LIMK2: variants seen among roughly 807,000 people sequenced by gnomAD.
LIMK2 encodes LIM domain kinase 2.
LIMK2 carries 35 observed loss-of-function variants against 75.7 expected under a neutral mutation model. The ratio of observed to expected loss-of-function variants is 0.46; its 90% CI spans 0.35 to 0.61. The LOEUF (loss-of-function observed/expected upper bound fraction) is 0.61. LIMK2 is among the 20% of genes least tolerant of loss of function. LIMK2 has a pLI of 0.00. For missense variants in LIMK2, 623 were observed against 831.0 expected (o/e 0.75, Z 3.08); for synonymous variants, 301 against 319.2 (o/e 0.94, Z 0.61).
intron 1 of LIMK2, among the ~76,000 whole-genome samples, chr22:31,212,979 G>A (rs1441035341): frequency 6.6e-6 from 1 of 152,108 alleles, no homozygotes; most frequent in African/African-American, 2.4e-5. Context: ...CCGGGGCTGG[G>A]AGCTCTTTGC....
Position 31,262,142 on chromosome 22 carries a change from G to T in LIMK2, c.560G>T (p.Arg187Leu). Reference sequence around the variant, plus strand: ...ACTCTTGTCTGGCCCAGGGTCAACCGGATGCACATCAGTCCCAACAATCGA... The same window carrying T: ...ACTCTTGTCTGGCCCAGGGTCAACCTGATGCACATCAGTCCCAACAATCGA... ...ATTVQVKEVNRMHISPNNRNA... is the reference protein window; with the variant it reads ...ATTVQVKEVNLMHISPNNRNA... Residue 187 changes from arginine to leucine, a missense_variant, in exon 6 of 16, where the codon CGG (arginine) becomes CTG (leucine). Physicochemically the swap from Arg to Leu is moderately radical, Grantham distance 102. Coordinates refer to ENST00000331728, the MANE Select transcript of LIMK2 (RefSeq NM_005569.4). This position sits in a 1 kb window ranked among gnomAD's most constrained non-coding sequence, Gnocchi z 5.0. 1 of 1,613,918 alleles carries T rather than the reference G, an allele frequency of 6.2e-7. No homozygotes were observed. Among genetic ancestry groups the T allele is most frequent in the Non-Finnish European group, 8.5e-7 (1 of 1,179,770 alleles).
chr22:31,264,913 G>T (rs1272712536), intron 7 of LIMK2, among the ~76,000 whole-genome samples: 2 of 151,932 alleles, frequency 1.3e-5, no homozygotes, highest in Admixed American at 6.6e-5. Context: ...AAAAATTAGG[G>T]CCGGGTGTGG....
chr22:31,232,761 T>C (rs1428833210), intron 2 of LIMK2, among the ~76,000 whole-genome samples: 2 of 152,046 alleles, frequency 1.3e-5, no homozygotes, highest in Non-Finnish European at 2.9e-5. Context: ...CATGCCCAGC[T>C]AATTTTTTTT....
At chr22:31,267,704 C>T (rs1001362956) in intron 9 of LIMK2, 72 bp from the exon 10 acceptor site, 17 of 1,503,950 alleles carry the variant, frequency 1.1e-5, no homozygotes, top group Non-Finnish European at 1.4e-5. Context: ...CAAGCTGATT[C>T]CTTGGAGGGA....
intron 2 of LIMK2, among the ~76,000 whole-genome samples, chr22:31,245,302 A>AT (rs541831912): frequency 3.9e-4 from 59 of 149,914 alleles, no homozygotes; most frequent in African/African-American, 6.1e-4. Context: ...TGATTGATTG[A>AT]TTTTTTTTTT....
At chr22:31,233,328 A>C (rs1236336746) in intron 2 of LIMK2, among the ~76,000 whole-genome samples, 1 of 152,248 alleles carries the variant, frequency 6.6e-6, no homozygotes, top group East Asian at 1.9e-4. Flanking sequence ...CTGGGACTTA[A>C]CAGATGTTAG....
At chr22:31,250,096 T>C (rs1364245858) in intron 2 of LIMK2, among the ~76,000 whole-genome samples, 1 of 152,088 alleles carries the variant, frequency 6.6e-6, no homozygotes, top group Non-Finnish European at 1.5e-5. Flanking sequence ...TTTCCTCTCC[T>C]AGCAGAGAGT....
chr22:31,229,083 G>A (rs1474026054), intron 2 of LIMK2, among the ~76,000 whole-genome samples: 1 of 152,154 alleles, frequency 6.6e-6, no homozygotes, highest in African/African-American at 2.4e-5. Context: ...CTGATGTGGA[G>A]CCCCAGGGAT....
chr22:31,222,120 G>T (rs551556025), intron 1 of LIMK2, among the ~76,000 whole-genome samples: 1 of 152,056 alleles, frequency 6.6e-6, no homozygotes, highest in East Asian at 1.9e-4. Flanking sequence ...GCCCAGGCTG[G>T]AGTGCAATGG....
At chr22:31,220,685 G>T (rs776238802) in intron 1 of LIMK2, among the ~76,000 whole-genome samples, 1 of 152,190 alleles carries the variant, frequency 6.6e-6, no homozygotes, top group Non-Finnish European at 1.5e-5. Flanking sequence ...TTAAGGGGCC[G>T]GGAGCAGTGG....
intron 2 of LIMK2, among the ~76,000 whole-genome samples, chr22:31,252,930 A>G (rs1264838394): frequency 6.6e-6 from 1 of 152,260 alleles, no homozygotes; most frequent in African/African-American, 2.4e-5. Flanking sequence ...CTTGAAAGAG[A>G]AAATCTCAAC....
At chr22:31,238,493 G>GGT (rs1326992910) in intron 2 of LIMK2, among the ~76,000 whole-genome samples, 1 of 152,172 alleles carries the variant, frequency 6.6e-6, no homozygotes, top group Non-Finnish European at 1.5e-5. Context: ...TTTGATAAAT[G>GGT]GTTAGGTCAG....
Position 31,262,753 on chromosome 22 carries a change from G to A in LIMK2, c.816G>A (p.Lys272=), listed in dbSNP as rs757957769. 5.0e-6 allele frequency: 8 copies of A among 1,613,576 alleles called. 1 individual carries two copies. Among genetic ancestry groups the A allele is most frequent in the South Asian group, 4.4e-5 (4 of 91,028 alleles). The change falls in exon 7 of 16, where the codon AAG becomes AAA. Residue 272 remains lysine, a synonymous_variant. Coordinates refer to ENST00000331728, the MANE Select transcript of LIMK2 (RefSeq NM_005569.4). The surrounding 1 kb of genome is among the most constrained non-coding windows in gnomAD (Gnocchi z 5.0). ...HPHALSTLDT[K]ENLEGTLRRR... is the part of the protein sequence containing the mutation. ...ACGCCCTCAGCACCCTGGACACCAA[G>A]GAGAATCTGGAGGGGACACTGAGGA...
chr22:31,266,150 T>A lies in LIMK2; in HGVS notation c.1041+18T>A, dbSNP rs1271676486. ...CTATCAAGGTGAGCGCAGGCAACAA[T>A]TGCTTTGCTCTTCTGCCCCCAGTCC... On this transcript the variant is annotated intron_variant, in intron 8 of 15. Transcript: ENST00000331728. The A allele has an allele frequency of 6.2e-7, 1 of 1,612,918 alleles. No homozygotes were observed. The highest frequency in any genetic ancestry group is 8.5e-7 in the Non-Finnish European group (1 of 1,179,114).
At chr22:31,250,170 A>G (rs757216652) in intron 2 of LIMK2, among the ~76,000 whole-genome samples, 7 of 152,304 alleles carry the variant, frequency 4.6e-5, no homozygotes, top group Admixed American at 2.0e-4. Context: ...TAAAGAGCCA[A>G]TGGAAATTGA....
At chr22:31,253,080 G>A (rs929953311) in intron 2 of LIMK2, among the ~76,000 whole-genome samples, 13 of 152,204 alleles carry the variant, frequency 8.5e-5, no homozygotes, top group African/African-American at 2.7e-4. Flanking sequence ...CCTCAGTAAT[G>A]TTTTGGAAGA....
At position 31,273,513 on chromosome 22, in the gene LIMK2, C is replaced by T. The variant is rs1322709087; in HGVS notation, c.1614+6C>T. On this transcript the variant is annotated splice_donor_region_variant and intron_variant, in intron 14 of 15. Transcript: ENST00000331728. ...TTGGGATCGTTCTCTGTGAGGTGAG[C>T]TCTGGCACCAAGGCCATGCCCGAGG... 6.2e-7 allele frequency: 1 copy of T among 1,613,200 alleles called. No individual in the cohort carries two copies. Among genetic ancestry groups the T allele is most frequent in the Non-Finnish European group, 8.5e-7 (1 of 1,179,222 alleles).
chr22:31,246,274 GGATCACTTGAGCTTA>G (rs1182805099), intron 2 of LIMK2, among the ~76,000 whole-genome samples: 2 of 151,064 alleles, frequency 1.3e-5, no homozygotes, highest in African/African-American at 4.9e-5. Flanking sequence ...TTAGGTAGGA[GGATCACTTGAGCTTA>G]GGTGGTTGAG....
chr22:31,238,183 A>T (rs1307272474), intron 2 of LIMK2, among the ~76,000 whole-genome samples: 2 of 152,108 alleles, frequency 1.3e-5, no homozygotes, highest in Non-Finnish European at 2.9e-5. Context: ...GAAAGTGAAA[A>T]GTTAGTGAAG....
Sources: gnomAD v4.1 joint callset for allele counts (sites outside exome capture counted in the v4.1 genomes callset) on GRCh38, gnomAD v4.1.1 for gene constraint, Gnocchi (gnomAD v3.1) non-coding constraint, MANE v1.5 for transcripts, NCBI Gene and HGNC (gene_info 2026-07-23, HGNC 2026-07-21) for gene names.